Variants in FBXO21 observed in about 807,000 individuals in gnomAD.
FBXO21 encodes F-box protein 21.
In FBXO21, 32 loss-of-function variants were observed where a neutral mutation model predicts 76.6. The ratio of observed to expected loss-of-function variants is 0.42; its 90% confidence interval spans 0.32 to 0.56. FBXO21 has a LOEUF of 0.56. FBXO21 is among the 20% of genes least tolerant of loss of function. The pLI is 0.16. For missense variants in FBXO21, 586 were observed against 797.3 expected (o/e 0.73, Z 3.19); for synonymous variants, 328 against 311.5 (o/e 1.05, Z -0.56).
chr12:117,146,366 A>T (rs1253750328), intron 11 of FBXO21, 89 bp from the exon 12 acceptor site: 3 of 1,190,578 alleles, frequency 2.5e-6, no homozygotes, highest in Admixed American at 2.4e-5. Context: ...CACCCCTTCC[A>T]GGTGGCATTT....
intron 9 of FBXO21, among the ~76,000 whole-genome samples, chr12:117,162,985 C>G (rs1324208544): frequency 6.6e-6 from 1 of 152,188 alleles, no homozygotes; most frequent in Admixed American, 6.5e-5. Context: ...TTCAGCACCC[C>G]CTGGCTTCTT....
chr12:117,175,205 C>A (rs1315549524), intron 4 of FBXO21, among the ~76,000 whole-genome samples: 1 of 150,968 alleles, frequency 6.6e-6, no homozygotes, highest in Non-Finnish European at 1.5e-5. Flanking sequence ...TTTAAAAAAA[C>A]AAAACAACAA....
Position 117,144,062 on chromosome 12 carries a change from A to C in FBXO21, c.*2025T>G, listed in dbSNP as rs1046414430. 1 of 152,644 alleles carries C rather than the reference A, an allele frequency of 6.6e-6. No homozygotes were observed. Among genetic ancestry groups the C allele is most frequent in the African/African-American group, 2.4e-5 (1 of 41,454 alleles). 9.5% of individuals were successfully genotyped at this position (152,644 alleles called of 1,614,324 possible). ...GATACAGGCTTCCTGGAGCCCCATG[A>C]AGCATTCATGAAGAAAGACATTTAA... On this transcript the variant is annotated 3_prime_UTR_variant, in exon 12 of 12. Coordinates refer to ENST00000622495, the MANE Select transcript of FBXO21 (RefSeq NM_015002.3).
At chr12:117,149,653 C>T (rs972070529) in intron 11 of FBXO21, among the ~76,000 whole-genome samples, 6 of 152,232 alleles carry the variant, frequency 3.9e-5, no homozygotes, top group South Asian at 2.1e-4. Context: ...CCCCCACAAA[C>T]GGTTATCTTG....
chr12:117,185,110 T>C (rs1286778796), intron 3 of FBXO21, among the ~76,000 whole-genome samples: 1 of 152,072 alleles, frequency 6.6e-6, no homozygotes, highest in African/African-American at 2.4e-5. Flanking sequence ...ACCAACAAAG[T>C]AGGTATGAGG....
intron 3 of FBXO21, among the ~76,000 whole-genome samples, chr12:117,180,344 G>C (rs1320434651): frequency 6.6e-6 from 1 of 152,162 alleles, no homozygotes; most frequent in Non-Finnish European, 1.5e-5. Flanking sequence ...TGATGTGCAC[G>C]TGTGTGTACA....
At chr12:117,148,765 G>A (rs573647734) in intron 11 of FBXO21, among the ~76,000 whole-genome samples, 45 of 152,282 alleles carry the variant, frequency 3.0e-4, no homozygotes, top group Non-Finnish European at 5.6e-4. Flanking sequence ...GACAGCAGGC[G>A]GGGAGGGGCT....
At chr12:117,171,666 T>C (rs1428945640) in intron 7 of FBXO21, among the ~76,000 whole-genome samples, 2 of 152,330 alleles carry the variant, frequency 1.3e-5, no homozygotes, top group Middle Eastern at 3.4e-3. Context: ...AGTTTGAACC[T>C]AGTTTGACTA....
chr12:117,149,610 T>A (rs1025906329), intron 11 of FBXO21, among the ~76,000 whole-genome samples: 1 of 152,052 alleles, frequency 6.6e-6, no homozygotes, highest in Admixed American at 6.6e-5. Flanking sequence ...AGGCCAGGGG[T>A]GCTGCTAAGT....
intron 2 of FBXO21, 118 bp downstream of exon 2, chr12:117,189,109 A>C (rs1592901672): frequency 1.8e-6 from 2 of 1,130,314 alleles, no homozygotes; most frequent in Non-Finnish European, 2.6e-6. Context: ...TAAGTGAGTA[A>C]GGGATTGTGA....
intron 10 of FBXO21, among the ~76,000 whole-genome samples, chr12:117,156,661 A>G (rs1178981096): frequency 1.3e-5 from 2 of 152,218 alleles, no homozygotes; most frequent in Non-Finnish European, 2.9e-5. Flanking sequence ...CCCGTATGGC[A>G]GCTGTTGAGG....
At chr12:117,155,706 C>T in intron 11 of FBXO21, 85 bp downstream of exon 11, 4 of 1,422,182 alleles carry the variant, frequency 2.8e-6, no homozygotes, top group Non-Finnish European at 2.9e-6. Context: ...CGATGGCCCA[C>T]GCCCACAGTA....
At chr12:117,186,604 T>G (rs2135888759) in intron 2 of FBXO21, 33 bp from the exon 3 acceptor site, 2 of 1,367,104 alleles carry the variant, frequency 1.5e-6, no homozygotes, top group East Asian at 4.6e-5. Flanking sequence ...TAGGCCTCAA[T>G]TATGAGTATT....
chr12:117,171,827 T>C (rs1019083749), intron 7 of FBXO21, among the ~76,000 whole-genome samples: 4 of 152,240 alleles, frequency 2.6e-5, no homozygotes, highest in Non-Finnish European at 5.9e-5. Flanking sequence ...TTTCTACCTG[T>C]TGAACTATTT....
At position 117,190,448 on chromosome 12, in the gene FBXO21, C is replaced by A. The variant is rs768706709; in HGVS notation, c.9G>T (p.Ala3=). The A allele has an allele frequency of 5.9e-6, 8 of 1,362,816 alleles. No individual in the cohort carries two copies. The South Asian group carries it at 1.1e-4, about 18-fold the overall frequency. The allele number at this position is 1,362,816 out of a possible 1,614,324, so 84.4% of individuals were successfully genotyped here. The change falls in exon 1 of 12, where the codon GCG becomes GCT. Residue 3 remains alanine (A), a synonymous_variant. Coordinates refer to ENST00000622495, the MANE Select transcript of FBXO21 (RefSeq NM_015002.3). ...CCTCCATCGCGCTGTCGACTGCTGC[C>A]GCCGCCATCTTGTCCGCGTACCTGG... MA[A]AAVDSAMEVV...
intron 11 of FBXO21, among the ~76,000 whole-genome samples, chr12:117,153,450 CCT>C (rs1021691958): frequency 2.0e-5 from 3 of 152,156 alleles, no homozygotes; most frequent in Admixed American, 1.3e-4. Flanking sequence ...AGAGAAGACC[CCT>C]GAGAGCCCTC....
At chr12:117,157,263 A>G (rs980877699) in intron 10 of FBXO21, among the ~76,000 whole-genome samples, 11 of 152,210 alleles carry the variant, frequency 7.2e-5, no homozygotes, top group African/African-American at 2.7e-4. Context: ...TGGAACTTGG[A>G]TAGCCAGTAA....
chr12:117,177,459 TA>T, intron 4 of FBXO21, 60 bp downstream of exon 4: 1 of 1,530,548 alleles, frequency 6.5e-7, no homozygotes, highest in Non-Finnish European at 8.9e-7. Context: ...CTGCTGGTCT[TA>T]AAAAACTAAT....
chr12:117,189,195 C>G, intron 2 of FBXO21, 32 bp downstream of exon 2: 3 of 1,614,018 alleles, frequency 1.9e-6, no homozygotes, highest in Non-Finnish European at 2.5e-6. Flanking sequence ...ACCAGCAAGC[C>G]AAAGCTTAGA....
Sources: allele counts gnomAD v4.1 joint callset (sites outside exome capture counted in the v4.1 genomes callset), GRCh38; gene constraint gnomAD v4.1.1; transcripts MANE v1.5; gene names NCBI Gene and HGNC (gene_info 2026-07-23, HGNC 2026-07-21).